The following PLEKHG3 variants were observed in gnomAD, a reference collection of about 807,000 sequenced individuals.
The protein encoded by PLEKHG3 is pleckstrin homology and RhoGEF domain containing G3.
PLEKHG3 carries 62 observed loss-of-function variants against 94.9 expected under a neutral mutation model. That is an observed-to-expected ratio of 0.65 (90% CI 0.53 to 0.81). The LOEUF is 0.81. Among genes scored for constraint, PLEKHG3 ranks in the 30% least tolerant of loss-of-function variants. The pLI, the probability that PLEKHG3 is intolerant of heterozygous loss-of-function variation, is 0.00. For synonymous variants in PLEKHG3, 614 were observed against 654.0 expected (o/e 0.94, Z 0.93); for missense variants, 1,461 against 1,619.3 (o/e 0.90, Z 1.68).
intron 1 of PLEKHG3, among the ~76,000 whole-genome samples, chr14:64,705,221 C>T (rs2140292701): frequency 6.6e-6 from 1 of 152,312 alleles, no homozygotes; most frequent in African/African-American, 2.4e-5. Context: ...GGGCCAGAAG[C>T]GGGGAGCGGA....
At chr14:64,706,857 T>G (rs1196211832) in intron 1 of PLEKHG3, among the ~76,000 whole-genome samples, 1 of 152,254 alleles carries the variant, frequency 6.6e-6, no homozygotes, top group Non-Finnish European at 1.5e-5. Context: ...CAGAACCTTG[T>G]GAAGGCTCCA....
chr14:64,749,223 C>T lies in PLEKHG3; in HGVS notation c.*5520C>T, dbSNP rs1477643383. 1.1e-5 allele frequency: 16 copies of T among 1,485,894 alleles called. No individual in the cohort carries two copies. The highest frequency in any genetic ancestry group is 1.9e-4 in the Middle Eastern group (1 of 5,354). 92.0% of individuals were successfully genotyped at this position (1,485,894 alleles called of 1,614,324 possible). A position where few individuals can be genotyped will look rare whatever the true frequency, so the allele number is the denominator to read the frequency against. On this transcript the variant is annotated 3_prime_UTR_variant, in exon 17 of 17. Coordinates refer to ENST00000247226, the MANE Select transcript of PLEKHG3 (RefSeq NM_001308147.2). The surrounding 1 kb of genome is among the most constrained non-coding windows in gnomAD (Gnocchi z 4.7). ...ACTCGACTCATCTCGATTCGACCGG[C>T]GGGCGGCGGCGAGAGGAGGCCAAGG...
chr14:64,714,092 T>C (rs2081100875), intron 1 of PLEKHG3, among the ~76,000 whole-genome samples: 1 of 152,218 alleles, frequency 6.6e-6, no homozygotes, highest in African/African-American at 2.4e-5. Context: ...TAATTTCTAG[T>C]TCTTTGAGTG....
At position 64,738,780 on chromosome 14, in the gene PLEKHG3, C is replaced by A; in HGVS notation, c.1443C>A (p.Ser481Arg). The change falls in exon 15 of 17, where the codon AGC becomes AGA. Residue 481 changes from serine (S) to arginine (R), a missense_variant. Transcript: ENST00000247226. This position sits in a 1 kb window ranked among gnomAD's most constrained non-coding sequence, Gnocchi z 4.8. ...GGGAGTCTGAAAGCTCCAGGAGCAG[C>A]AGAAGGCCCAGTGGCCGGTCTCCAA... Reference protein sequence around the residue: ...GRRESESSRSSRRPSGRSPTS... With the variant: ...GRRESESSRSRRRPSGRSPTS... 1 of 1,599,056 alleles carries A rather than the reference C, an allele frequency of 6.3e-7. No individual in the cohort carries two copies. The highest frequency in any genetic ancestry group is 8.5e-7 in the Non-Finnish European group (1 of 1,172,414).
At chr14:64,709,729 C>CTGTGTGTGTGTG (rs3063746) in intron 1 of PLEKHG3, among the ~76,000 whole-genome samples, 98 of 144,112 alleles carry the variant, frequency 6.8e-4, no homozygotes, top group African/African-American at 2.2e-3. Context: ...GGCTGTGAGA[C>CTGTGTGTGTGTG]TGTGTGTGTG....
At position 64,725,156 on chromosome 14, in the gene PLEKHG3, G is replaced by C. The variant is rs775222870; in HGVS notation, c.-39-2437G>C. Reference sequence around the variant, plus strand: ...GATCCCCAGAGAGGGACCCTCAAAAGGTCCCTTTTAGAGACAAATCTCCCT... The same window carrying C: ...GATCCCCAGAGAGGGACCCTCAAAACGTCCCTTTTAGAGACAAATCTCCCT... On this transcript the variant is annotated intron_variant, in intron 1 of 16. Coordinates refer to ENST00000247226, the MANE Select transcript of PLEKHG3 (RefSeq NM_001308147.2). The surrounding 1 kb of genome is among the most constrained non-coding windows in gnomAD (Gnocchi z 5.0). 6.6e-6 allele frequency among the ~76,000 whole-genome samples: 1 copy of C among 152,200 alleles called. No individual in the cohort carries two copies. Among genetic ancestry groups the C allele is most frequent in the Admixed American group, 6.5e-5 (1 of 15,276 alleles).
In PLEKHG3 at chr14:64,749,082, C is replaced by A. The variant is rs1055552966; in HGVS notation, c.*5379C>A. On this transcript the variant is annotated 3_prime_UTR_variant, in exon 17 of 17. Coordinates refer to ENST00000247226, the MANE Select transcript of PLEKHG3 (RefSeq NM_001308147.2). The surrounding 1 kb of genome is among the most constrained non-coding windows in gnomAD (Gnocchi z 4.7). ...CAAAGGCGCCAGAGGAGCTGGGAGC[C>A]CCTGTCCCTGGAGCGGAGCCAGCGC... is the stretch of plus-strand genomic sequence containing the variant. The A allele has an allele frequency of 2.1e-6, 1 of 478,426 alleles. No individual in the cohort carries two copies. Among genetic ancestry groups the A allele is most frequent in the East Asian group, 4.5e-5 (1 of 22,324 alleles). The allele number at this position is 478,426 out of a possible 1,614,324, so 29.6% of individuals were successfully genotyped here.
At position 64,749,910 on chromosome 14, in the gene PLEKHG3, G is replaced by C; in HGVS notation, c.*6207G>C. 6.2e-7 allele frequency: 1 copy of C among 1,600,046 alleles called. No homozygotes were observed. Among genetic ancestry groups the C allele is most frequent in the South Asian group, 1.1e-5 (1 of 90,628 alleles). On this transcript the variant is annotated 3_prime_UTR_variant, in exon 17 of 17. Coordinates refer to ENST00000247226, the MANE Select transcript of PLEKHG3 (RefSeq NM_001308147.2). The surrounding 1 kb of genome is among the most constrained non-coding windows in gnomAD (Gnocchi z 4.7). The stretch of plus-strand genomic sequence containing the variant: ...AGGCCTGGCACTGGTCCCCTACAGA[G>C]GGCCTCTGCCCTGCCACTAATGCCA...
intron 1 of PLEKHG3, among the ~76,000 whole-genome samples, chr14:64,708,849 G>A (rs1298199264): frequency 8.6e-6 from 1 of 116,642 alleles, no homozygotes; most frequent in Non-Finnish European, 1.6e-5. Context: ...CTGCACACTC[G>A]GCAGCCAGGC....
chr14:64,712,426 A>G (rs1182411464), intron 1 of PLEKHG3, among the ~76,000 whole-genome samples: 4 of 152,190 alleles, frequency 2.6e-5, no homozygotes, highest in African/African-American at 7.2e-5. Context: ...GAGTATTGCC[A>G]TATTAACAAT....
At chr14:64,735,634 C>CA (rs1566710720) in intron 12 of PLEKHG3, among the ~76,000 whole-genome samples, 1 of 152,084 alleles carries the variant, frequency 6.6e-6, no homozygotes, top group Non-Finnish European at 1.5e-5. Context: ...CAAAACAAAA[C>CA]AAAAAAAGAA....
In PLEKHG3 at chr14:64,739,264, C is replaced by T. The variant is rs1049539082; in HGVS notation, c.1518+409C>T. Among the ~76,000 whole-genome samples, 1 of 152,190 alleles carries T rather than the reference C, an allele frequency of 6.6e-6. No individual in the cohort carries two copies. Among genetic ancestry groups the T allele is most frequent in the African/African-American group, 2.4e-5 (1 of 41,436 alleles). On this transcript the variant is annotated intron_variant, in intron 15 of 16. Transcript: ENST00000247226. The surrounding 1 kb of genome is among the most constrained non-coding windows in gnomAD (Gnocchi z 4.1). Reference sequence around the variant, plus strand: ...AGAACTGATATCTGTTGGACACCTCCTCTGTAACTGATGTGTTATTTCTTC... The same window carrying T: ...AGAACTGATATCTGTTGGACACCTCTTCTGTAACTGATGTGTTATTTCTTC...
chr14:64,730,647 A>G lies in PLEKHG3; in HGVS notation c.525A>G (p.Gln175=). The change falls in exon 5 of 17, where the codon CAA becomes CAG. Residue 175 remains glutamine, a synonymous_variant. Transcript: ENST00000247226. The surrounding 1 kb of genome is among the most constrained non-coding windows in gnomAD (Gnocchi z 5.4). ...AVASCFVERS[Q]EFDIYTQYCN... Reference sequence around the variant, plus strand: ...TATTTTTGATCTCTTCTTAGAGCCAAGAGTTTGATATCTACACTCAGTATT... The same window carrying G: ...TATTTTTGATCTCTTCTTAGAGCCAGGAGTTTGATATCTACACTCAGTATT... 1.9e-6 allele frequency: 3 copies of G among 1,610,972 alleles called. No individual in the cohort carries two copies. The highest frequency in any genetic ancestry group is 2.5e-6 in the Non-Finnish European group (3 of 1,177,750).
chr14:64,705,443 A>T (rs1038160507), intron 1 of PLEKHG3, among the ~76,000 whole-genome samples: 3 of 152,170 alleles, frequency 2.0e-5, no homozygotes, highest in Non-Finnish European at 4.4e-5. Context: ...GAGGCTGGAG[A>T]GGTGTGGCTT....
rs544214769 is a variant in PLEKHG3 at position 64,739,579 on chromosome 14, G to C, written c.1518+724G>C. On this transcript the variant is annotated intron_variant, in intron 15 of 16. Transcript: ENST00000247226. This position sits in a 1 kb window ranked among gnomAD's most constrained non-coding sequence, Gnocchi z 4.1. ...ATGATACTGGACAGGAATGTAGCAT[G>C]ATGTCTTAGCTTGAGCTGCTGTAAC... Among the ~76,000 whole-genome samples the C allele has an allele frequency of 6.6e-6, 1 of 152,376 alleles. No individual in the cohort carries two copies. The highest frequency in any genetic ancestry group is 6.5e-5 in the Admixed American group (1 of 15,306).
At position 64,743,339 on chromosome 14, in the gene PLEKHG3, G is replaced by T. The variant is rs370807524; in HGVS notation, c.3296G>T (p.Arg1099Leu). Residue 1099 changes from arginine to leucine, a missense_variant, in exon 17 of 17, where the codon CGC becomes CTC. By Grantham distance (102) the Arg-to-Leu change is moderately radical (BLOSUM62 -2). Transcript: ENST00000247226. This position sits in a 1 kb window ranked among gnomAD's most constrained non-coding sequence, Gnocchi z 7.2. The part of the protein sequence containing the change: ...PPLSGRVGRC[R>L]SLSTKRGRGG... Reference sequence around the variant, plus strand: ...CTGTCGGGCAGGGTGGGCCGCTGCCGCAGCCTGAGCACCAAGAGGGGCCGG... The same window carrying T: ...CTGTCGGGCAGGGTGGGCCGCTGCCTCAGCCTGAGCACCAAGAGGGGCCGG... 1.3e-4 allele frequency: 212 copies of T among 1,607,208 alleles called. 1 individual carries two copies. Among genetic ancestry groups the T allele is most frequent in the Admixed American group, 1.1e-3 (67 of 59,736 alleles).
In PLEKHG3 at chr14:64,718,641, G is replaced by C. The variant is rs2081211024; in HGVS notation, c.-39-8952G>C. Among the ~76,000 whole-genome samples the C allele has an allele frequency of 1.3e-5, 2 of 152,312 alleles. No homozygotes were observed. The highest frequency in any genetic ancestry group is 2.1e-4 in the South Asian group (1 of 4,820). ...CTTGCTCCTGATCATACAGTGGCTA[G>C]GCAGAGCCAGGGTAGTTTGGAGGAG... On this transcript the variant is annotated intron_variant, in intron 1 of 16. Coordinates refer to ENST00000247226, the MANE Select transcript of PLEKHG3 (RefSeq NM_001308147.2). The surrounding 1 kb of genome is among the most constrained non-coding windows in gnomAD (Gnocchi z 5.0).
chr14:64,741,512 C>T lies in PLEKHG3; in HGVS notation c.1995C>T (p.Leu665=), dbSNP rs1468429677. Residue 665 remains leucine, a synonymous_variant, in exon 16 of 17, where the codon CTC becomes CTT. Transcript: ENST00000247226. ...CCACAGACTCCCTCAGCTGTCAGCT[C>T]TCCCCAGAAGTGGACATCAGTGTGG... The part of the protein sequence containing the change: ...GSATDSLSCQ[L]SPEVDISVGV... The T allele has an allele frequency of 1.2e-6, 2 of 1,612,934 alleles. No individual in the cohort carries two copies. The highest frequency in any genetic ancestry group is 2.2e-5 in the East Asian group (1 of 44,870).
At position 64,746,919 on chromosome 14, in the gene PLEKHG3, C is replaced by A. The variant is rs1594726134; in HGVS notation, c.*3216C>A. On this transcript the variant is annotated 3_prime_UTR_variant, in exon 17 of 17. Coordinates refer to ENST00000247226, the MANE Select transcript of PLEKHG3 (RefSeq NM_001308147.2). The surrounding 1 kb of genome is among the most constrained non-coding windows in gnomAD (Gnocchi z 4.9). ...AAAAAAAAAAAAGACCTTGCTAGGG[C>A]ACTGGGAGAGCTTAGCCCTGGTGTG... 1 of 152,108 alleles carries A rather than the reference C, an allele frequency of 6.6e-6. No individual in the cohort carries two copies. The highest frequency in any genetic ancestry group is 1.9e-4 in the East Asian group (1 of 5,178). The allele number at this position is 152,108 out of a possible 1,614,324, so 9.4% of individuals were successfully genotyped here. A position where few individuals can be genotyped will look rare whatever the true frequency, so the allele number is the denominator to read the frequency against.
Sources: gnomAD v4.1 joint callset for allele counts (sites outside exome capture counted in the v4.1 genomes callset) on GRCh38, gnomAD v4.1.1 for gene constraint, Gnocchi (gnomAD v3.1) non-coding constraint, MANE v1.5 for transcripts, NCBI Gene and HGNC (gene_info 2026-07-23, HGNC 2026-07-21) for gene names.